Variants in DCLK1 observed in about 807,000 individuals in gnomAD.
The protein encoded by DCLK1 is doublecortin like kinase 1, also known as serine/threonine-protein kinase DCLK1.
A neutral mutation model predicts 86.2 loss-of-function variants in DCLK1; 16 were observed. That is an observed-to-expected ratio of 0.19 (90% CI 0.13 to 0.28). The LOEUF is 0.28. DCLK1 is among the 10% of genes least tolerant of loss of function. The probability of loss-of-function intolerance (pLI) is 1.00; values close to 1 mark genes in which losing one functional copy is unlikely to be tolerated. For missense variants in DCLK1, 590 were observed against 940.2 expected, an observed-to-expected ratio of 0.63 and a Z score of 4.87; for synonymous variants, 369 against 370.5, an observed-to-expected ratio of 1.00 and a Z score of 0.05.
intron 16 of DCLK1, among the ~76,000 whole-genome samples, chr13:35,791,286 AAAC>A (rs527389168): frequency 1.3e-5 from 2 of 152,220 alleles, no homozygotes; most frequent in East Asian, 3.9e-4. Flanking sequence ...AAAAAAAAAA[AAAC>A]CTCTGCAGCA....
At chr13:35,920,521 TG>T (rs141933420) in intron 4 of DCLK1, among the ~76,000 whole-genome samples, 4,753 of 152,132 alleles carry the variant, frequency 0.031, 110 homozygotes, top group Non-Finnish European at 0.046. Flanking sequence ...AAGCAGGAAT[TG>T]AAGGGAATAT....
intron 5 of DCLK1, among the ~76,000 whole-genome samples, chr13:35,867,467 A>G (rs919536253): frequency 2.6e-5 from 4 of 152,166 alleles, no homozygotes; most frequent in African/African-American, 9.7e-5. Context: ...GTGCTGGTCA[A>G]TTCAACCAGG....
At chr13:35,850,767 G>A (rs748084859) in intron 6 of DCLK1, 37 of 1,597,468 alleles carry the variant, frequency 2.3e-5, no homozygotes, top group Admixed American at 6.9e-5. Flanking sequence ...GAGAGGGGGC[G>A]GTACAGGTCC....
intron 4 of DCLK1, among the ~76,000 whole-genome samples, chr13:35,900,827 C>G (rs537131213): frequency 6.6e-6 from 1 of 152,078 alleles, no homozygotes. Flanking sequence ...TTGAGAAGGG[C>G]CGGATTATAG....
chr13:36,114,502 C>T (rs1885714713), intron 2 of DCLK1, among the ~76,000 whole-genome samples: 1 of 152,220 alleles, frequency 6.6e-6, no homozygotes, highest in Non-Finnish European at 1.5e-5. Context: ...TCACACACCA[C>T]AGTCATTTAG....
At chr13:35,920,321 G>T (rs1875723848) in intron 4 of DCLK1, among the ~76,000 whole-genome samples, 1 of 152,188 alleles carries the variant, frequency 6.6e-6, no homozygotes, top group African/African-American at 2.4e-5. Context: ...CATCACGGAA[G>T]GGACTAGCTG....
intron 3 of DCLK1, among the ~76,000 whole-genome samples, chr13:36,042,725 G>A (rs1882739767): frequency 6.6e-6 from 1 of 152,140 alleles, no homozygotes; most frequent in African/African-American, 2.4e-5. Context: ...CCACCAATAT[G>A]GTTCTGACTC....
chr13:35,954,113 C>A (rs1181448619), intron 3 of DCLK1, among the ~76,000 whole-genome samples: 1 of 151,944 alleles, frequency 6.6e-6, no homozygotes, highest in East Asian at 1.9e-4. Flanking sequence ...TTTGTAATTT[C>A]TTAAACTTCT....
At chr13:35,813,432 G>C (rs1378331257) in intron 11 of DCLK1, among the ~76,000 whole-genome samples, 1 of 152,002 alleles carries the variant, frequency 6.6e-6, no homozygotes, top group Admixed American at 6.6e-5. Context: ...CCTATATGTA[G>C]GAAAAGTTTT....
At chr13:35,841,141 G>A (rs1222853090) in intron 6 of DCLK1, among the ~76,000 whole-genome samples, 1 of 152,178 alleles carries the variant, frequency 6.6e-6, no homozygotes, top group Non-Finnish European at 1.5e-5. Flanking sequence ...ACATGGTGTG[G>A]TTTAGGCTAG....
chr13:36,108,151 G>C (rs1234228297), intron 3 of DCLK1, among the ~76,000 whole-genome samples: 1 of 152,116 alleles, frequency 6.6e-6, no homozygotes, highest in East Asian at 1.9e-4. Context: ...GCCAGCAAAA[G>C]GACTGATGAC....
intron 3 of DCLK1, among the ~76,000 whole-genome samples, chr13:36,026,619 C>A (rs1368100880): frequency 1.3e-5 from 2 of 152,114 alleles, no homozygotes; most frequent in Non-Finnish European, 2.9e-5. Context: ...AAAATGTAAA[C>A]CCCTTTTAAT....
chr13:36,131,669 G>A (rs1319940946), upstream of DCLK1, among the ~76,000 whole-genome samples: 2 of 152,228 alleles, frequency 1.3e-5, no homozygotes, highest in African/African-American at 2.4e-5. Flanking sequence ...ACGTGGACAG[G>A]GCTGAGTCTG....
At chr13:35,988,178 G>T (rs1046936130) in intron 3 of DCLK1, among the ~76,000 whole-genome samples, 2 of 152,160 alleles carry the variant, frequency 1.3e-5, no homozygotes, top group African/African-American at 4.8e-5. Flanking sequence ...CTCAGCGCTG[G>T]GATGCGTCGG....
At chr13:35,931,316 C>T (rs1462003835) in intron 4 of DCLK1, among the ~76,000 whole-genome samples, 2 of 152,032 alleles carry the variant, frequency 1.3e-5, no homozygotes, top group Non-Finnish European at 2.9e-5. Context: ...GAATTAATGA[C>T]TAAAATTAAT....
chr13:35,900,733 G>C (rs910673450), intron 4 of DCLK1, among the ~76,000 whole-genome samples: 1 of 152,126 alleles, frequency 6.6e-6, no homozygotes. Context: ...GATGCCAGTA[G>C]CATCACCTCC....
chr13:35,942,175 T>G (rs564426452), intron 4 of DCLK1, among the ~76,000 whole-genome samples: 4 of 151,534 alleles, frequency 2.6e-5, no homozygotes, highest in South Asian at 2.1e-4. Context: ...ACATTTTTTT[T>G]TTGTTTTTTG....
intron 10 of DCLK1, among the ~76,000 whole-genome samples, chr13:35,824,052 T>A (rs901697392): frequency 6.6e-6 from 1 of 152,182 alleles, no homozygotes; most frequent in African/African-American, 2.4e-5. Flanking sequence ...CTTGAGGAGG[T>A]GGGACAGTCA....
At chr13:36,100,382 C>A (rs1885175783) in intron 3 of DCLK1, among the ~76,000 whole-genome samples, 1 of 151,580 alleles carries the variant, frequency 6.6e-6, no homozygotes, top group Admixed American at 6.6e-5. Context: ...TTGTCTCAAA[C>A]AAACAAACAA....
Sources: allele counts gnomAD v4.1 joint callset (sites outside exome capture counted in the v4.1 genomes callset), GRCh38; gene constraint gnomAD v4.1.1; transcripts MANE v1.5; gene names NCBI Gene and HGNC (gene_info 2026-07-23, HGNC 2026-07-21).